The following C1orf105 variants were observed in gnomAD, a reference collection of about 807,000 sequenced individuals.
C1orf105 encodes the protein chromosome 1 open reading frame 105, also known as uncharacterized protein C1orf105.
In C1orf105, 17 loss-of-function variants were observed where a neutral mutation model predicts 20.8. The ratio of observed to expected loss-of-function variants is 0.82; its 90% CI spans 0.56 to 1.23. The LOEUF (loss-of-function observed/expected upper bound fraction) is 1.23. Among genes scored for constraint, C1orf105 ranks in the 50% most tolerant of loss-of-function variants. The probability of loss-of-function intolerance (pLI) is 0.00; values close to 1 mark genes in which losing one functional copy is unlikely to be tolerated. For synonymous variants in C1orf105, 72 were observed against 72.1 expected, an observed-to-expected ratio of 1.00 and a Z score of 0.01; for missense variants, 219 against 213.5, an observed-to-expected ratio of 1.03 and a Z score of -0.16.
At chr1:172,438,133 AAAAG>A (rs771589589) in intron 1 of C1orf105, among the ~76,000 whole-genome samples, 3 of 152,174 alleles carry the variant, frequency 2.0e-5, no homozygotes, top group Non-Finnish European at 4.4e-5. Flanking sequence ...TCAGAAAAAA[AAAAG>A]ATTCCTTTCA....
At chr1:172,453,420 A>G (rs574551978) in intron 3 of C1orf105, among the ~76,000 whole-genome samples, 9 of 152,256 alleles carry the variant, frequency 5.9e-5, no homozygotes, top group Non-Finnish European at 8.8e-5. Flanking sequence ...AGTGCATTAC[A>G]TAGAATGAAT....
chr1:172,465,711 G>A (rs1435471794), intron 6 of C1orf105: 2 of 472,580 alleles, frequency 4.2e-6, no homozygotes, highest in East Asian at 6.4e-5. Context: ...AAAATGGGAA[G>A]GGAACTGCAT....
chr1:172,454,760 C>G (rs1370970794), intron 3 of C1orf105, among the ~76,000 whole-genome samples: 1 of 152,134 alleles, frequency 6.6e-6, no homozygotes, highest in Non-Finnish European at 1.5e-5. Context: ...CAGTTAAGCT[C>G]AATGACCCCT....
chr1:172,435,472 T>TA (rs1369570638), intron 1 of C1orf105, among the ~76,000 whole-genome samples: 1 of 152,076 alleles, frequency 6.6e-6, no homozygotes, highest in East Asian at 1.9e-4. Context: ...ATCCATCACA[T>TA]AAACAGAACC....
At chr1:172,452,759 G>C in intron 3 of C1orf105, 2 of 1,303,602 alleles carry the variant, frequency 1.5e-6, no homozygotes, top group Non-Finnish European at 2.0e-6. Flanking sequence ...GCTACACATA[G>C]GTTGCTGTCA....
chr1:172,423,841 A>G (rs566919998), intron 1 of C1orf105, among the ~76,000 whole-genome samples: 4 of 152,238 alleles, frequency 2.6e-5, no homozygotes, highest in Non-Finnish European at 4.4e-5. Flanking sequence ...GGATGCATCC[A>G]TCAGAGGCTG....
At chr1:172,439,217 C>A (rs866490754) in intron 1 of C1orf105, among the ~76,000 whole-genome samples, 1 of 152,252 alleles carries the variant, frequency 6.6e-6, no homozygotes, top group Middle Eastern at 3.4e-3. Flanking sequence ...TATATATACA[C>A]ACTTATATAT....
intron 2 of C1orf105, 63 bp downstream of exon 2, chr1:172,445,221 T>G: frequency 7.5e-7 from 1 of 1,329,054 alleles, no homozygotes; most frequent in East Asian, 2.3e-5. Context: ...TGATTTCTTC[T>G]TAAGGGATGG....
chr1:172,423,364 G>A (rs762606118), intron 1 of C1orf105, among the ~76,000 whole-genome samples: 32 of 152,150 alleles, frequency 2.1e-4, no homozygotes, highest in Non-Finnish European at 4.3e-4. Context: ...AATTATTCTG[G>A]ATATTATCTA....
At chr1:172,447,646 C>G (rs1648156520) in intron 2 of C1orf105, among the ~76,000 whole-genome samples, 1 of 152,346 alleles carries the variant, frequency 6.6e-6, no homozygotes, top group East Asian at 1.9e-4. Flanking sequence ...AGAAATGAAG[C>G]AAGAAATGTC....
At chr1:172,423,131 G>A (rs1014547584) in intron 1 of C1orf105, among the ~76,000 whole-genome samples, 6 of 152,182 alleles carry the variant, frequency 3.9e-5, no homozygotes, top group Non-Finnish European at 7.3e-5. Context: ...AGCCTTGAGC[G>A]AACATAGATG....
At chr1:172,442,656 A>G in intron 1 of C1orf105, 3 of 1,571,354 alleles carry the variant, frequency 1.9e-6, no homozygotes, top group Non-Finnish European at 2.6e-6. Context: ...CAGTTTAATC[A>G]TCGCCCTCAC....
At chr1:172,444,413 C>A (rs1333079752) in intron 1 of C1orf105, 1 of 544,116 alleles carries the variant, frequency 1.8e-6, no homozygotes, top group Non-Finnish European at 2.3e-6. Flanking sequence ...GTTCATTCCA[C>A]AGATACTGAT....
chr1:172,467,939 T>C lies in C1orf105; in HGVS notation c.407-510T>C, dbSNP rs148237014. 5.5e-3 allele frequency among the ~76,000 whole-genome samples: 837 copies of C among 152,286 alleles called. 4 individuals are homozygous for C. The highest frequency in any genetic ancestry group is 9.3e-3 in the Non-Finnish European group (629 of 67,992). On this transcript the variant is annotated intron_variant, in intron 6 of 6. Coordinates refer to ENST00000367727, the MANE Select transcript of C1orf105 (RefSeq NM_139240.4). ...CCCTAAAATAAATTATTTCACAAAA[T>C]ACAGATTTCTTTTGAAACAAAAGTA...
chr1:172,437,159 T>C (rs1189529748), intron 1 of C1orf105, among the ~76,000 whole-genome samples: 1 of 152,156 alleles, frequency 6.6e-6, no homozygotes, highest in African/African-American at 2.4e-5. Context: ...AGTTCAACCA[T>C]TGTGGAAGAC....
At chr1:172,459,660 A>C (rs1649554721) in intron 4 of C1orf105, among the ~76,000 whole-genome samples, 1 of 152,180 alleles carries the variant, frequency 6.6e-6, no homozygotes, top group South Asian at 2.1e-4. Context: ...TCAAAACCTT[A>C]GACACAGAGT....
intron 5 of C1orf105, among the ~76,000 whole-genome samples, chr1:172,462,702 G>A (rs750399147): frequency 2.6e-5 from 4 of 152,048 alleles, no homozygotes; most frequent in South Asian, 2.1e-4. Context: ...AATCAAGATC[G>A]AGTATAACAG....
intron 1 of C1orf105, chr1:172,442,786 C>T (rs1438383939): frequency 7.2e-5 from 45 of 625,264 alleles, no homozygotes; most frequent in Non-Finnish European, 1.2e-4. Flanking sequence ...GCTAGGCCTA[C>T]AATAGATGAA....
At chr1:172,450,388 C>T (rs978027065) in intron 3 of C1orf105, among the ~76,000 whole-genome samples, 3 of 152,218 alleles carry the variant, frequency 2.0e-5, no homozygotes, top group Non-Finnish European at 4.4e-5. Flanking sequence ...GTCACACAGA[C>T]GTCCTCAAAT....
Sources: allele counts gnomAD v4.1 joint callset (sites outside exome capture counted in the v4.1 genomes callset), GRCh38; gene constraint gnomAD v4.1.1; transcripts MANE v1.5; gene names NCBI Gene and HGNC (gene_info 2026-07-23, HGNC 2026-07-21).